The following ZSCAN5A variants were observed in gnomAD, a reference collection of about 807,000 sequenced individuals.
ZSCAN5A encodes zinc finger and SCAN domain containing 5A.
Under a neutral mutation model 23.7 loss-of-function variants are expected in ZSCAN5A, and 12 were observed. That is an observed-to-expected ratio of 0.51 (90% CI 0.32 to 0.82). ZSCAN5A has a LOEUF of 0.82. Among genes scored for constraint, ZSCAN5A ranks in the 40% least tolerant of loss-of-function variants. The probability of loss-of-function intolerance (pLI) is 0.03; values close to 1 mark genes in which losing one functional copy is unlikely to be tolerated. For missense variants in ZSCAN5A, 597 were observed against 617.9 expected, an observed-to-expected ratio of 0.97 and a Z score of 0.36; for synonymous variants, 257 against 239.9, an observed-to-expected ratio of 1.07 and a Z score of -0.66.
At chr19:56,270,758 G>A (rs1001612965) in intron 2 of ZSCAN5A, among the ~76,000 whole-genome samples, 1 of 151,638 alleles carries the variant, frequency 6.6e-6, no homozygotes, top group Non-Finnish European at 1.5e-5. Context: ...GGTGGCGGTG[G>A]TGGTTGGTGT....
chr19:56,232,563 T>C (rs546266174), intron 2 of ZSCAN5A, among the ~76,000 whole-genome samples: 2 of 152,302 alleles, frequency 1.3e-5, no homozygotes, highest in Non-Finnish European at 2.9e-5. Context: ...GCTCTCCTCA[T>C]CTCAACTACC....
chr19:56,257,070 C>T (rs895575349), intron 2 of ZSCAN5A, among the ~76,000 whole-genome samples: 6 of 152,222 alleles, frequency 3.9e-5, no homozygotes, highest in African/African-American at 1.2e-4. Context: ...GAATAGACAC[C>T]TGACTTGGCT....
intron 2 of ZSCAN5A, among the ~76,000 whole-genome samples, chr19:56,277,949 A>G (rs545773149): frequency 6.6e-6 from 1 of 152,344 alleles, no homozygotes; most frequent in Admixed American, 6.5e-5. Flanking sequence ...ACATACTGAC[A>G]TAAATAAAAT....
chr19:56,341,702 C>CAAAAAAAAAAA lies in ZSCAN5A; in HGVS notation c.-358+21522_-358+21532dup, dbSNP rs1175628460. Among the ~76,000 whole-genome samples the CAAAAAAAAAAA allele has an allele frequency of 2.8e-4, 15 of 53,774 alleles. 1 individual carries two copies. Among genetic ancestry groups the CAAAAAAAAAAA allele is most frequent in the Admixed American group, 1.1e-3 (4 of 3,674 alleles). The allele number at this position is 53,774 out of a possible 152,430, so 35.3% of individuals were successfully genotyped here. A position where few individuals can be genotyped will look rare whatever the true frequency, so the allele number is the denominator to read the frequency against. ...ATCTTCTAGGCAGGTTACCAAAAGG[C>CAAAAAAAAAAA]AAAAAAAAAAAAAAAAAAAAAAAAA... On this transcript the variant is annotated intron_variant, in intron 2 of 6. Coordinates refer to the ZSCAN5A transcript ENST00000587340.
intron 2 of ZSCAN5A, among the ~76,000 whole-genome samples, chr19:56,297,313 C>G (rs1475534422): frequency 6.6e-6 from 1 of 152,094 alleles, no homozygotes; most frequent in East Asian, 1.9e-4. Context: ...TCTCCACCCA[C>G]TTCATAATTC....
chr19:56,343,089 G>A (rs542621526), intron 2 of ZSCAN5A: 67 of 779,458 alleles, frequency 8.6e-5, no homozygotes, highest in East Asian at 6.6e-4. Flanking sequence ...TGCAGAGGGC[G>A]GCCTTCGGGT....
rs11374260 is a variant in ZSCAN5A at position 56,284,513 on chromosome 19, A to ATTTTTTT, written c.-128+28763_-128+28769dup. On this transcript the variant is annotated intron_variant, in intron 2 of 5. Coordinates refer to ENST00000683990, the MANE Select transcript of ZSCAN5A (RefSeq NM_001322064.3). ...TTAGAGACAAGTGATGCTTGCTGTA[A>ATTTTTTT]TTTTTTTTTTTTTTTTTTTTTGAGA... Among the ~76,000 whole-genome samples the ATTTTTTT allele has an allele frequency of 7.6e-5, 9 of 118,330 alleles. No individual in the cohort carries two copies. In the South Asian group the frequency reaches 1.5e-3, roughly 20 times the overall value. The allele number at this position is 118,330 out of a possible 152,430, so 77.6% of individuals were successfully genotyped here. A position where few individuals can be genotyped will look rare whatever the true frequency, so the allele number is the denominator to read the frequency against.
intron 2 of ZSCAN5A, among the ~76,000 whole-genome samples, chr19:56,327,898 T>C (rs2041450756): frequency 6.6e-6 from 1 of 152,152 alleles, no homozygotes; most frequent in South Asian, 2.1e-4. Context: ...TGTAAATGAA[T>C]ATGTGTAGTA....
chr19:56,262,043 A>G (rs2037162094), intron 2 of ZSCAN5A, among the ~76,000 whole-genome samples: 1 of 151,878 alleles, frequency 6.6e-6, no homozygotes, highest in Non-Finnish European at 1.5e-5. Context: ...TTTTTTTGAG[A>G]TGGAGTCTCA....
At chr19:56,322,933 C>G (rs565693180) in intron 2 of ZSCAN5A, among the ~76,000 whole-genome samples, 1 of 131,822 alleles carries the variant, frequency 7.6e-6, no homozygotes, top group Non-Finnish European at 1.5e-5. Context: ...CTCGCTCTGT[C>G]GCCCAGGCTG....
At chr19:56,331,885 C>T (rs2041493234) in intron 2 of ZSCAN5A, among the ~76,000 whole-genome samples, 1 of 151,878 alleles carries the variant, frequency 6.6e-6, no homozygotes, top group Admixed American at 6.6e-5. Flanking sequence ...TGCGCCCAGC[C>T]TAGTATTTCA....
At chr19:56,236,293 G>A (rs2034904033) in intron 2 of ZSCAN5A, among the ~76,000 whole-genome samples, 1 of 51,000 alleles carries the variant, frequency 2.0e-5, no homozygotes, top group Non-Finnish European at 3.8e-5. Flanking sequence ...ATTGACCGTG[G>A]GCCAAGCCTC....
At chr19:56,303,534 C>T (rs746911541) in intron 2 of ZSCAN5A, among the ~76,000 whole-genome samples, 5 of 150,498 alleles carry the variant, frequency 3.3e-5, no homozygotes, top group Non-Finnish European at 5.9e-5. Context: ...GGGAGGGAGG[C>T]AAGACGGAAG....
chr19:56,332,376 C>T (rs1287971279), intron 2 of ZSCAN5A, among the ~76,000 whole-genome samples: 9 of 152,084 alleles, frequency 5.9e-5, no homozygotes, highest in Admixed American at 5.9e-4. Flanking sequence ...ATAGTTAAGT[C>T]TTCTTATTAA....
In ZSCAN5A at chr19:56,221,713, G is replaced by A. The variant is rs1400337385; in HGVS notation, c.1353C>T (p.Tyr451=). The A allele has an allele frequency of 4.3e-6, 7 of 1,614,220 alleles. No homozygotes were observed. The South Asian group carries it at 5.5e-5, about 13-fold the overall frequency. Reference sequence around the variant, plus strand: ...GCTGGTGCTCCTTCAGGCTCCCCCTGTAGGTGAAAACTTTCTTGCAGTCTT... The same window carrying A: ...GCTGGTGCTCCTTCAGGCTCCCCCTATAGGTGAAAACTTTCTTGCAGTCTT... ...ECKDCKKVFT[Y]RGSLKEHQRI... The change falls in exon 6 of 6, where the codon TAC becomes TAT. Residue 451 remains tyrosine, a synonymous_variant. Transcript: ENST00000683990.
chr19:56,273,293 T>C (rs1355321197), intron 2 of ZSCAN5A, among the ~76,000 whole-genome samples: 1 of 152,144 alleles, frequency 6.6e-6, no homozygotes, highest in Non-Finnish European at 1.5e-5. Context: ...AACATTACCA[T>C]AGTTAGATAA....
intron 2 of ZSCAN5A, chr19:56,247,110 C>T (rs982660506): frequency 2.9e-6 from 2 of 698,376 alleles, no homozygotes; most frequent in Admixed American, 2.3e-5. Flanking sequence ...AGCTAGCCAT[C>T]CACATGAGAT....
At chr19:56,349,031 C>G (rs1056646371) in intron 2 of ZSCAN5A, among the ~76,000 whole-genome samples, 4 of 152,144 alleles carry the variant, frequency 2.6e-5, no homozygotes, top group Admixed American at 6.5e-5. Flanking sequence ...CAGCCTCCAG[C>G]CAATGAAAAG....
chr19:56,339,369 T>C (rs1463565152), intron 2 of ZSCAN5A, among the ~76,000 whole-genome samples: 5 of 138,150 alleles, frequency 3.6e-5, no homozygotes, highest in Non-Finnish European at 6.3e-5. Context: ...AAGGAGCGGC[T>C]GTAGCCGCAT....
Sources: allele counts gnomAD v4.1 joint callset (sites outside exome capture counted in the v4.1 genomes callset), GRCh38; gene constraint gnomAD v4.1.1; transcripts MANE v1.5; gene names NCBI Gene and HGNC (gene_info 2026-07-23, HGNC 2026-07-21).